KCNH7: variants seen among roughly 807,000 people sequenced by gnomAD.
The protein encoded by KCNH7 is potassium voltage-gated channel subfamily H member 7.
In KCNH7, 49 loss-of-function variants were observed where a neutral mutation model predicts 120.8. The observed-to-expected ratio is 0.41, with a 90% CI of 0.32 to 0.51. The LOEUF is 0.51. Ranked by LOEUF, KCNH7 falls within the 20% of genes least tolerant of loss-of-function variation. The probability of loss-of-function intolerance (pLI) is 0.38; values close to 1 mark genes in which losing one functional copy is unlikely to be tolerated. For synonymous variants in KCNH7, 547 were observed against 516.1 expected, an observed-to-expected ratio of 1.06 and a Z score of -0.81; for missense variants, 1,097 against 1,446.6, an observed-to-expected ratio of 0.76 and a Z score of 3.92.
At chr2:162,644,459 A>C (rs1360454384) in intron 2 of KCNH7, among the ~76,000 whole-genome samples, 1 of 152,200 alleles carries the variant, frequency 6.6e-6, no homozygotes, top group African/African-American at 2.4e-5. Context: ...ACATATCTAC[A>C]ATTCTTTCTG....
At chr2:162,462,355 C>T in intron 6 of KCNH7, among the ~76,000 whole-genome samples, 1 of 152,036 alleles carries the variant, frequency 6.6e-6, no homozygotes. Flanking sequence ...TGTTTCATTG[C>T]TGTTTATTTC....
At chr2:162,707,407 T>A (rs1337818617) in intron 2 of KCNH7, among the ~76,000 whole-genome samples, 2 of 152,136 alleles carry the variant, frequency 1.3e-5, no homozygotes, top group Non-Finnish European at 2.9e-5. Flanking sequence ...AGATAGTTTC[T>A]GTCATAAACT....
At chr2:162,701,313 G>T (rs183601924) in intron 2 of KCNH7, among the ~76,000 whole-genome samples, 1 of 152,072 alleles carries the variant, frequency 6.6e-6, no homozygotes, top group East Asian at 1.9e-4. Flanking sequence ...CATCATTGAC[G>T]AGTTACCTGA....
chr2:162,481,969 T>TATCTATCTATCTATCTATCTATCATCA (rs749176517), intron 6 of KCNH7, among the ~76,000 whole-genome samples: 1 of 142,256 alleles, frequency 7.0e-6, no homozygotes, highest in African/African-American at 2.6e-5. Context: ...ATCTATCATC[T>TATCTATCTATCTATCTATCTATCATCA]ATCTATCTAT....
Position 162,384,727 on chromosome 2 carries a change from C to T in KCNH7, c.2923G>A (p.Gly975Arg). The change falls in exon 13 of 16, where the codon GGA (glycine) becomes AGA (arginine). Residue 975 changes from glycine (G) to arginine (R), a missense_variant. Gly to Arg is a moderately radical substitution (Grantham distance 125). Around this residue, in one of 8 missense-constraint regions of KCNH7, gnomAD observed 406 missense variants for 410.5 expected, o/e 0.99. Transcript: ENST00000332142. The stretch of plus-strand genomic sequence containing the variant: ...CTTCTTTTATCTATGTGCATTCTTC[C>T]TGAGGTGGGCACTGTTTCTTCAAAA... ...LDFEETVPTS[G>R]RMHIDKRSHS... 1 of 1,612,582 alleles carries T rather than the reference C, an allele frequency of 6.2e-7. No individual in the cohort carries two copies. Among genetic ancestry groups the T allele is most frequent in the Non-Finnish European group, 8.5e-7 (1 of 1,178,952 alleles).
intron 2 of KCNH7, among the ~76,000 whole-genome samples, chr2:162,747,997 A>G (rs1688373311): frequency 1.3e-5 from 2 of 152,196 alleles, no homozygotes. Context: ...TATGGTTTAC[A>G]GAAATGGTTA....
At chr2:162,792,294 C>CATAGAATGAGTT (rs1397768448) in intron 2 of KCNH7, among the ~76,000 whole-genome samples, 1 of 151,816 alleles carries the variant, frequency 6.6e-6, no homozygotes, top group Non-Finnish European at 1.5e-5. Context: ...GATACTGGGT[C>CATAGAATGAGTT]ATAGAATGAG....
At chr2:162,515,507 G>T (rs1691252997) in intron 4 of KCNH7, among the ~76,000 whole-genome samples, 1 of 151,748 alleles carries the variant, frequency 6.6e-6, no homozygotes, top group South Asian at 2.1e-4. Flanking sequence ...CTATACTACT[G>T]TTATAAGTCA....
intron 2 of KCNH7, among the ~76,000 whole-genome samples, chr2:162,706,911 T>C (rs1686723934): frequency 2.0e-5 from 3 of 152,166 alleles, no homozygotes; most frequent in Admixed American, 2.0e-4. Context: ...CTGAGAACTT[T>C]AATGAGTACA....
At chr2:162,704,177 A>C (rs1323733104) in intron 2 of KCNH7, among the ~76,000 whole-genome samples, 3 of 152,150 alleles carry the variant, frequency 2.0e-5, no homozygotes, top group Admixed American at 6.6e-5. Context: ...CTCCCCAGCC[A>C]CTGAAATTAT....
intron 2 of KCNH7, among the ~76,000 whole-genome samples, chr2:162,700,103 T>A (rs973866061): frequency 6.6e-6 from 1 of 152,164 alleles, no homozygotes; most frequent in Non-Finnish European, 1.5e-5. Flanking sequence ...CTTCGTGTAT[T>A]TCCTTTCCTT....
At chr2:162,471,035 T>C (rs1352340015) in intron 6 of KCNH7, among the ~76,000 whole-genome samples, 2 of 152,156 alleles carry the variant, frequency 1.3e-5, no homozygotes, top group Non-Finnish European at 2.9e-5. Flanking sequence ...GTTAAACAGA[T>C]GCTTGAAGGC....
chr2:162,752,907 A>G (rs906732890), intron 2 of KCNH7, among the ~76,000 whole-genome samples: 2 of 29,806 alleles, frequency 6.7e-5, no homozygotes, highest in Non-Finnish European at 1.4e-4. Context: ...TCTCAGAAAA[A>G]GAAAAGAAAA....
intron 2 of KCNH7, among the ~76,000 whole-genome samples, chr2:162,807,345 G>A (rs1229290513): frequency 6.6e-6 from 1 of 150,896 alleles, no homozygotes; most frequent in African/African-American, 2.4e-5. Flanking sequence ...GCTGAGGTAC[G>A]AGAATCACTT....
intron 6 of KCNH7, among the ~76,000 whole-genome samples, chr2:162,495,486 C>T (rs1036832261): frequency 1.3e-5 from 2 of 152,068 alleles, no homozygotes; most frequent in African/African-American, 4.8e-5. Context: ...TCTATTAAAG[C>T]CAATTTAAAA....
intron 2 of KCNH7, among the ~76,000 whole-genome samples, chr2:162,779,558 C>T (rs1683397689): frequency 6.6e-6 from 1 of 152,110 alleles, no homozygotes; most frequent in Non-Finnish European, 1.5e-5. Context: ...TCTTTCCTAT[C>T]CTGTAAGAGC....
intron 11 of KCNH7, among the ~76,000 whole-genome samples, 167 bp from the exon 12 acceptor site, chr2:162,394,652 T>G (rs561673139): frequency 9.7e-4 from 148 of 152,062 alleles, no homozygotes; most frequent in Non-Finnish European, 1.6e-3. Context: ...GTCTCTTTAT[T>G]GTAACATACA....
chr2:162,645,953 T>A (rs1684345456), intron 2 of KCNH7, among the ~76,000 whole-genome samples: 1 of 152,184 alleles, frequency 6.6e-6, no homozygotes, highest in African/African-American at 2.4e-5. Context: ...CCAGTCACAG[T>A]TATTTGCCCA....
chr2:162,617,945 G>A (rs1403843609), intron 2 of KCNH7, among the ~76,000 whole-genome samples: 1 of 151,828 alleles, frequency 6.6e-6, no homozygotes, highest in Non-Finnish European at 1.5e-5. Flanking sequence ...TGATTTTGGG[G>A]ATTTTTTTTT....
Sources: allele counts gnomAD v4.1 joint callset (sites outside exome capture counted in the v4.1 genomes callset), GRCh38; gene constraint gnomAD v4.1.1; regional missense constraint gnomAD v4.1.1; transcripts MANE v1.5; gene names NCBI Gene and HGNC (gene_info 2026-07-23, HGNC 2026-07-21).